The following FBXW8 variants were observed in gnomAD, a reference collection of about 807,000 sequenced individuals.
FBXW8 encodes F-box/WD repeat-containing protein 8.
FBXW8 carries 57 observed loss-of-function variants against 65.3 expected under a neutral mutation model. That is an observed-to-expected ratio of 0.87 (90% CI 0.71 to 1.09). The LOEUF is 1.09. Ranked by LOEUF, FBXW8 falls within the 50% of genes least tolerant of loss-of-function variation. The probability of loss-of-function intolerance (pLI) is 0.00; values close to 1 mark genes in which losing one functional copy is unlikely to be tolerated. For missense variants in FBXW8, 777 were observed against 814.8 expected, an observed-to-expected ratio of 0.95 and a Z score of 0.57; for synonymous variants, 308 against 330.2, an observed-to-expected ratio of 0.93 and a Z score of 0.73.
At chr12:117,010,746 C>T (rs983920066) in intron 8 of FBXW8, among the ~76,000 whole-genome samples, 2 of 152,058 alleles carry the variant, frequency 1.3e-5, no homozygotes, top group Non-Finnish European at 2.9e-5. Context: ...CTTTTGTCCC[C>T]TGCTGCAAAA....
chr12:116,939,166 T>C (rs560049926), intron 2 of FBXW8, among the ~76,000 whole-genome samples: 66 of 152,344 alleles, frequency 4.3e-4, no homozygotes, highest in Middle Eastern at 3.4e-3. Flanking sequence ...CAGCTTCTTA[T>C]ACAGGTTGAA....
At chr12:117,022,564 A>T (rs1954125239) in intron 8 of FBXW8, among the ~76,000 whole-genome samples, 1 of 152,172 alleles carries the variant, frequency 6.6e-6, no homozygotes, top group Non-Finnish European at 1.5e-5. Context: ...CTGAGGTGGG[A>T]GGATCACCTG....
chr12:116,919,974 A>T (rs1880756164), intron 1 of FBXW8, among the ~76,000 whole-genome samples: 1 of 152,214 alleles, frequency 6.6e-6, no homozygotes. Context: ...TAATGTGAAC[A>T]CTTTTCTTCT....
chr12:116,934,204 A>C (rs1161602431), intron 2 of FBXW8, among the ~76,000 whole-genome samples: 1 of 151,876 alleles, frequency 6.6e-6, no homozygotes, highest in Non-Finnish European at 1.5e-5. Context: ...TTGAGGCTTT[A>C]TGTTTTGAAA....
chr12:116,927,578 A>G (rs961563476), intron 1 of FBXW8, among the ~76,000 whole-genome samples: 1 of 151,978 alleles, frequency 6.6e-6, no homozygotes, highest in Admixed American at 6.6e-5. Flanking sequence ...CTCCCTTCCT[A>G]GTTGAGAGTA....
At chr12:116,943,672 T>A (rs1882751109) in intron 2 of FBXW8, among the ~76,000 whole-genome samples, 1 of 152,232 alleles carries the variant, frequency 6.6e-6, no homozygotes, top group Admixed American at 6.5e-5. Context: ...GGGCCTTCTC[T>A]GGTCTTTCCT....
chr12:117,006,289 T>C (rs558774637), intron 7 of FBXW8, among the ~76,000 whole-genome samples: 14 of 152,348 alleles, frequency 9.2e-5, no homozygotes, highest in African/African-American at 2.9e-4. Flanking sequence ...GTGATTTCAG[T>C]ATGCAAGTGG....
rs925496194 is a variant in FBXW8 at position 116,985,665 on chromosome 12, C to G, written c.1032+263C>G. The G allele has an allele frequency of 1.1e-5, 4 of 378,758 alleles. No individual in the cohort carries two copies. The South Asian group carries it at 1.8e-4, about 17-fold the overall frequency. 23.5% of individuals were successfully genotyped at this position (378,758 alleles called of 1,614,324 possible). A position where few individuals can be genotyped will look rare whatever the true frequency, so the allele number is the denominator to read the frequency against. ...GTTACGATTCAAACCTCAGGGCTGA[C>G]TTCAGGGCCAGAGCTGCTCATCACT... is the stretch of plus-strand genomic sequence containing the variant. On this transcript the variant is annotated intron_variant, in intron 6 of 10. Coordinates refer to ENST00000652555, the MANE Select transcript of FBXW8 (RefSeq NM_153348.3).
chr12:116,966,108 G>A (rs1884310118), intron 5 of FBXW8, among the ~76,000 whole-genome samples: 2 of 152,028 alleles, frequency 1.3e-5, no homozygotes, highest in East Asian at 3.9e-4. Context: ...GCAACGTGAT[G>A]TTGGTTTGAT....
chr12:117,028,280 C>A lies in FBXW8; in HGVS notation c.*108C>A. The stretch of plus-strand genomic sequence containing the variant: ...GTGGTAAACATTTAGGGGAAGAAAG[C>A]AGCCCAGGGTGCCATGCCTGACAGC... On this transcript the variant is annotated 3_prime_UTR_variant, in exon 11 of 11. Coordinates refer to ENST00000652555, the MANE Select transcript of FBXW8 (RefSeq NM_153348.3). This position sits in a 1 kb window ranked among gnomAD's most constrained non-coding sequence, Gnocchi z 4.1. 1 of 1,383,344 alleles carries A rather than the reference C, an allele frequency of 7.2e-7. No homozygotes were observed. Among genetic ancestry groups the A allele is most frequent in the Non-Finnish European group, 9.8e-7 (1 of 1,016,514 alleles). The allele number at this position is 1,383,344 out of a possible 1,614,324, so 85.7% of individuals were successfully genotyped here.
chr12:117,009,241 T>C (rs1052217478), intron 7 of FBXW8, among the ~76,000 whole-genome samples: 4 of 151,768 alleles, frequency 2.6e-5, no homozygotes, highest in African/African-American at 7.3e-5. Context: ...AAGAAAGATA[T>C]CATCAGCAGG....
chr12:116,985,040 T>C (rs1351295319), intron 5 of FBXW8, 166 bp from the exon 6 acceptor site: 3 of 539,328 alleles, frequency 5.6e-6, no homozygotes, highest in Non-Finnish European at 6.6e-6. Context: ...CTTCAGGCCA[T>C]GTGCATCAGG....
chr12:116,964,730 C>G lies in FBXW8; in HGVS notation c.711C>G (p.Thr237=), dbSNP rs1417946792. The G allele has an allele frequency of 3.1e-6, 5 of 1,613,706 alleles. No homozygotes were observed. Among genetic ancestry groups the G allele is most frequent in the African/African-American group, 1.3e-5 (1 of 74,976 alleles). Reference sequence around the variant, plus strand: ...CAGGGGATGTGAGAGTGTGGGACACCCGCACCTGGGACTACGTAGCCCCCT... The same window carrying G: ...CAGGGGATGTGAGAGTGTGGGACACGCGCACCTGGGACTACGTAGCCCCCT... ...YTSGDVRVWD[T]RTWDYVAPFL... The change falls in exon 5 of 11, where the codon ACC becomes ACG. Residue 237 remains threonine, a synonymous_variant. Coordinates refer to ENST00000652555, the MANE Select transcript of FBXW8 (RefSeq NM_153348.3).
intron 1 of FBXW8, among the ~76,000 whole-genome samples, chr12:116,924,394 C>T (rs909310287): frequency 2.0e-5 from 3 of 152,084 alleles, no homozygotes; most frequent in African/African-American, 7.2e-5. Context: ...TTAATGTATC[C>T]ATCACCTAAA....
At chr12:116,981,723 C>T (rs1456407005) in intron 5 of FBXW8, among the ~76,000 whole-genome samples, 10 of 152,066 alleles carry the variant, frequency 6.6e-5, no homozygotes, top group Non-Finnish European at 2.9e-5. Flanking sequence ...AAGCAATTCT[C>T]ATGCGTCAGC....
At chr12:116,917,996 A>C (rs1368764922) in intron 1 of FBXW8, among the ~76,000 whole-genome samples, 1 of 150,970 alleles carries the variant, frequency 6.6e-6, no homozygotes, top group African/African-American at 2.4e-5. Flanking sequence ...CACCTCAAAA[A>C]AAAAAAAACA....
chr12:117,030,150 T>C lies in FBXW8; in HGVS notation c.*1978T>C, dbSNP rs1954325441. On this transcript the variant is annotated 3_prime_UTR_variant, in exon 11 of 11. Coordinates refer to ENST00000652555, the MANE Select transcript of FBXW8 (RefSeq NM_153348.3). ...TAGAACCTTCACGTCATGAAGGTTCTGGAAGGTTTTTCAGATTGCTTAAGA... is the reference window on the plus strand; with the variant it reads ...TAGAACCTTCACGTCATGAAGGTTCCGGAAGGTTTTTCAGATTGCTTAAGA... The C allele has an allele frequency of 6.6e-6, 1 of 152,170 alleles. No individual in the cohort carries two copies. Among genetic ancestry groups the C allele is most frequent in the South Asian group, 2.1e-4 (1 of 4,822 alleles). The allele number at this position is 152,170 out of a possible 1,614,324, so 9.4% of individuals were successfully genotyped here.
At chr12:116,988,927 AGGG>A in intron 7 of FBXW8, 58 bp downstream of exon 7, 1 of 1,497,662 alleles carries the variant, frequency 6.7e-7, no homozygotes, top group Non-Finnish European at 9.2e-7. Context: ...ATTTTTTAGA[AGGG>A]AATTGAAAAA....
Position 116,917,940 on chromosome 12 carries a change from C to G in FBXW8, c.318+6585C>G, listed in dbSNP as rs745742286. Among the ~76,000 whole-genome samples, 3 of 144,710 alleles carry G rather than the reference C, an allele frequency of 2.1e-5. No homozygotes were observed. The East Asian group carries it at 6.3e-4, about 30-fold the overall frequency. 94.9% of individuals were successfully genotyped at this position (144,710 alleles called of 152,430 possible). ...CCGGGAAGCAGAGGTTGCAGTGAGCCGAGATTGCGCCACTGCACTCCAGCC... is the reference window on the plus strand; with the variant it reads ...CCGGGAAGCAGAGGTTGCAGTGAGCGGAGATTGCGCCACTGCACTCCAGCC... On this transcript the variant is annotated intron_variant, in intron 1 of 10. Coordinates refer to ENST00000652555, the MANE Select transcript of FBXW8 (RefSeq NM_153348.3).
Sources: allele counts gnomAD v4.1 joint callset (sites outside exome capture counted in the v4.1 genomes callset), GRCh38; gene constraint gnomAD v4.1.1; non-coding constraint Gnocchi (gnomAD v3.1); transcripts MANE v1.5; gene names NCBI Gene and HGNC (gene_info 2026-07-23, HGNC 2026-07-21).